Variants in WEE1 observed in about 807,000 individuals in gnomAD.
WEE1 encodes the protein WEE1 G2 checkpoint kinase.
WEE1 carries 16 observed loss-of-function variants against 68.8 expected under a neutral mutation model. The ratio of observed to expected loss-of-function variants is 0.23; its 90% CI spans 0.16 to 0.35. WEE1 has a LOEUF of 0.35. Ranked by LOEUF, WEE1 falls within the 10% of genes least tolerant of loss-of-function variation. WEE1 has a pLI of 1.00. For synonymous variants in WEE1, 349 were observed against 318.7 expected (o/e 1.09, Z -1.01); for missense variants, 651 against 824.1 (o/e 0.79, Z 2.57).
chr11:9,586,351 A>AT (rs1480233530), intron 8 of WEE1, 98 bp from the exon 9 acceptor site: 1 of 1,108,132 alleles, frequency 9.0e-7, no homozygotes, highest in African/African-American at 1.6e-5. Context: ...AGACACTTTG[A>AT]TTAAGTCCTA....
At chr11:9,585,822 C>G (rs1197203916) in intron 8 of WEE1, among the ~76,000 whole-genome samples, 1 of 152,146 alleles carries the variant, frequency 6.6e-6, no homozygotes, top group African/African-American at 2.4e-5. Context: ...TACCCATTGA[C>G]TCATAATTTT....
chr11:9,576,384 G>GAT lies in WEE1; in HGVS notation c.846+91_846+92insAT, dbSNP rs1335556721. 6.5e-7 allele frequency: 1 copy of GAT among 1,544,570 alleles called. No individual in the cohort carries two copies. The highest frequency in any genetic ancestry group is 8.7e-7 in the Non-Finnish European group (1 of 1,143,370). Reference sequence around the variant, plus strand: ...TATGTTAATAAGCATTAACACATAAGGTAGAATGGTTTTTAAATTTCACAC... The same window carrying GAT: ...TATGTTAATAAGCATTAACACATAAGATGTAGAATGGTTTTTAAATTTCACAC... On this transcript the variant is annotated intron_variant, in intron 3 of 10. Coordinates refer to ENST00000450114, the MANE Select transcript of WEE1 (RefSeq NM_003390.4). The surrounding 1 kb of genome is among the most constrained non-coding windows in gnomAD (Gnocchi z 4.3).
chr11:9,583,513 G>T (rs967356607), intron 6 of WEE1, among the ~76,000 whole-genome samples: 1 of 149,838 alleles, frequency 6.7e-6, no homozygotes, highest in Non-Finnish European at 1.5e-5. Context: ...TACTCTGGAG[G>T]CTGAGGCAGG....
chr11:9,578,502 T>C (rs1009564962), intron 5 of WEE1: 1 of 152,298 alleles, frequency 6.6e-6, no homozygotes, highest in African/African-American at 2.4e-5. Context: ...AAAATATTTA[T>C]GTAACTATCA....
chr11:9,581,997 G>A (rs563681354), intron 6 of WEE1, among the ~76,000 whole-genome samples: 22 of 152,262 alleles, frequency 1.4e-4, no homozygotes, highest in Non-Finnish European at 2.5e-4. Flanking sequence ...CCGAGTAGCC[G>A]GGACTATAGG....
At chr11:9,581,377 T>G in intron 5 of WEE1, 155 bp from the exon 6 acceptor site, 1 of 633,780 alleles carries the variant, frequency 1.6e-6, no homozygotes, top group Non-Finnish European at 2.6e-6. Context: ...GAAAAAACAA[T>G]AAAATTTTGA....
rs1291498406 is a variant in WEE1, at chr11:9,576,987, T to G, written c.1020-155T>G. 1.3e-5 allele frequency among the ~76,000 whole-genome samples: 2 copies of G among 152,242 alleles called. No individual in the cohort carries two copies. Among genetic ancestry groups the G allele is most frequent in the East Asian group, 3.8e-4 (2 of 5,204 alleles). Reference sequence around the variant, plus strand: ...AATGGAATCTGCCTTTGGAAAAATCTCTTACAAGTCTAAACCCCTTCTCTC... The same window carrying G: ...AATGGAATCTGCCTTTGGAAAAATCGCTTACAAGTCTAAACCCCTTCTCTC... On this transcript the variant is annotated intron_variant, in intron 4 of 10. Coordinates refer to ENST00000450114, the MANE Select transcript of WEE1 (RefSeq NM_003390.4). The surrounding 1 kb of genome is among the most constrained non-coding windows in gnomAD (Gnocchi z 4.3).
Position 9,589,361 on chromosome 11 carries a change from A to G in WEE1, c.*759A>G, listed in dbSNP as rs1272186046. 2.0e-6 allele frequency: 2 copies of G among 984,584 alleles called. No homozygotes were observed. Among genetic ancestry groups the G allele is most frequent in the Admixed American group, 6.2e-5 (1 of 16,188 alleles). 61.0% of individuals were successfully genotyped at this position (984,584 alleles called of 1,614,324 possible). A position where few individuals can be genotyped will look rare whatever the true frequency, so the allele number is the denominator to read the frequency against. ...CTTTGGAATGCTGTATTAATGTAGT[A>G]TAATAATTACTGGTTTTGTAACTTG... is the stretch of plus-strand genomic sequence containing the variant. On this transcript the variant is annotated 3_prime_UTR_variant, in exon 11 of 11. Coordinates refer to ENST00000450114, the MANE Select transcript of WEE1 (RefSeq NM_003390.4).
intron 6 of WEE1, among the ~76,000 whole-genome samples, chr11:9,582,003 A>G (rs967837673): frequency 6.6e-6 from 1 of 152,246 alleles, no homozygotes; most frequent in Non-Finnish European, 1.5e-5. Flanking sequence ...AGCCGGGACT[A>G]TAGGCATGTG....
At chr11:9,585,081 T>A (rs967125551) in intron 6 of WEE1, 177 bp from the exon 7 acceptor site, 21 of 583,772 alleles carry the variant, frequency 3.6e-5, no homozygotes, top group African/African-American at 3.2e-4. Context: ...ACAAAAAAAA[T>A]TCCCAGCAAC....
At chr11:9,585,121 C>A in intron 6 of WEE1, 137 bp from the exon 7 acceptor site, 1 of 699,848 alleles carries the variant, frequency 1.4e-6, no homozygotes, top group South Asian at 1.9e-5. Context: ...CCCTGAGATG[C>A]TTATTCCATG....
At chr11:9,580,220 CTG>C (rs112796766) in intron 5 of WEE1, 13,234 of 134,122 alleles carry the variant, frequency 0.099, 781 homozygotes, top group African/African-American at 0.19. Flanking sequence ...ACAGCCTTCT[CTG>C]TGGAGAAGAG....
rs1849541052 is a variant in WEE1, at chr11:9,574,438, G to A, written c.505G>A (p.Asp169Asn). The A allele has an allele frequency of 5.7e-6, 7 of 1,222,442 alleles. No individual in the cohort carries two copies. The highest frequency in any genetic ancestry group is 7.1e-6 in the Non-Finnish European group (7 of 986,948). The allele number at this position is 1,222,442 out of a possible 1,614,324, so 75.7% of individuals were successfully genotyped here. ...AGEGRRSPRP[D>N]HPGTPPHKTF... ...CGAAGGCCGCCGCTCGCCGCGGCCG[G>A]ACCACCCGGGCACCCCGCCACACAA... Residue 169 changes from aspartate (D) to asparagine (N), a missense_variant, in exon 1 of 11, where the codon GAC (aspartate) becomes AAC (asparagine). Coordinates refer to ENST00000450114, the MANE Select transcript of WEE1 (RefSeq NM_003390.4). This position sits in a 1 kb window ranked among gnomAD's most constrained non-coding sequence, Gnocchi z 4.9.
chr11:9,577,955 TCTTGGTCA>T (rs1393980492), intron 5 of WEE1: 1 of 452,146 alleles, frequency 2.2e-6, no homozygotes, highest in Non-Finnish European at 4.4e-6. Flanking sequence ...TTTACCAAAG[TCTTGGTCA>T]GAATTCTGGT....
intron 1 of WEE1, chr11:9,575,659 G>T: frequency 1.8e-6 from 1 of 550,318 alleles, no homozygotes; most frequent in South Asian, 2.2e-5. Flanking sequence ...TCTTTTTAGG[G>T]TTAGAGGCAG....
At chr11:9,579,394 T>G (rs945509826) in intron 5 of WEE1, 1 of 152,256 alleles carries the variant, frequency 6.6e-6, no homozygotes, top group East Asian at 1.9e-4. Flanking sequence ...AGGATTCTGA[T>G]ATTTATTTGT....
chr11:9,582,004 TA>T (rs1208987442), intron 6 of WEE1, among the ~76,000 whole-genome samples: 3 of 152,346 alleles, frequency 2.0e-5, no homozygotes, highest in Non-Finnish European at 4.4e-5. Context: ...GCCGGGACTA[TA>T]GGCATGTGCC....
At chr11:9,577,965 A>C in intron 5 of WEE1, 1 of 449,264 alleles carries the variant, frequency 2.2e-6, no homozygotes, top group South Asian at 1.6e-5. Flanking sequence ...TCTTGGTCAG[A>C]ATTCTGGTTC....
In WEE1 at chr11:9,575,870, G is replaced by A; in HGVS notation, c.577-18G>A. The A allele has an allele frequency of 6.2e-7, 1 of 1,611,040 alleles. No individual in the cohort carries two copies. Among genetic ancestry groups the A allele is most frequent in the Non-Finnish European group, 8.5e-7 (1 of 1,177,766 alleles). The stretch of plus-strand genomic sequence containing the variant: ...GACTTGGATCCTAAAAATTGTATTT[G>A]TATTTTTCTTTCCCTAGAGTTTGCT... On this transcript the variant is annotated intron_variant, in intron 1 of 10. Transcript: ENST00000450114.
Sources: allele counts gnomAD v4.1 joint callset (sites outside exome capture counted in the v4.1 genomes callset), GRCh38; gene constraint gnomAD v4.1.1; non-coding constraint Gnocchi (gnomAD v3.1); transcripts MANE v1.5; gene names NCBI Gene and HGNC (gene_info 2026-07-23, HGNC 2026-07-21).